CDKAL1: variants seen among roughly 807,000 people sequenced by gnomAD.
CDKAL1 encodes the protein CDKAL1 threonylcarbamoyladenosine tRNA methylthiotransferase.
Under a neutral mutation model 68.2 loss-of-function variants are expected in CDKAL1, and 32 were observed. The observed-to-expected ratio is 0.47, with a 90% CI of 0.35 to 0.63. The LOEUF (loss-of-function observed/expected upper bound fraction) is 0.63, where lower values mean the gene tolerates loss of function less well. Among genes scored for constraint, CDKAL1 ranks in the 30% least tolerant of loss-of-function variants. The pLI, the probability that CDKAL1 is intolerant of heterozygous loss-of-function variation, is 0.00. For synonymous variants in CDKAL1, 234 were observed against 244.3 expected, an observed-to-expected ratio of 0.96 and a Z score of 0.39; for missense variants, 606 against 696.7, an observed-to-expected ratio of 0.87 and a Z score of 1.47.
chr6:21,195,615 A>G (rs1173833612), intron 13 of CDKAL1, among the ~76,000 whole-genome samples: 1 of 151,884 alleles, frequency 6.6e-6, no homozygotes, highest in African/African-American at 2.4e-5. Context: ...GGCCCAAGCA[A>G]TCCTTCCACT....
intron 11 of CDKAL1, among the ~76,000 whole-genome samples, chr6:21,033,148 G>T (rs1769388016): frequency 6.6e-6 from 1 of 152,166 alleles, no homozygotes; most frequent in Admixed American, 6.5e-5. Flanking sequence ...TAATTAGGAT[G>T]AATTCAGATT....
intron 12 of CDKAL1, among the ~76,000 whole-genome samples, chr6:21,090,979 T>C (rs1451511481): frequency 6.6e-6 from 1 of 151,980 alleles, no homozygotes; most frequent in Non-Finnish European, 1.5e-5. Context: ...TAATTTTTTG[T>C]AGAGACAGGG....
chr6:20,972,376 C>T (rs1265097911), intron 10 of CDKAL1, among the ~76,000 whole-genome samples: 2 of 152,180 alleles, frequency 1.3e-5, no homozygotes, highest in African/African-American at 4.8e-5. Context: ...ACACTCTTAG[C>T]TCTTCCTTAG....
intron 12 of CDKAL1, among the ~76,000 whole-genome samples, chr6:21,083,179 A>G (rs1473724689): frequency 6.6e-6 from 1 of 152,066 alleles, no homozygotes; most frequent in African/African-American, 2.4e-5. Context: ...TTTATGTTTC[A>G]TATATACCTT....
At chr6:21,169,921 A>AC (rs57265201) in intron 13 of CDKAL1, among the ~76,000 whole-genome samples, 23,242 of 127,594 alleles carry the variant, frequency 0.18, 3,028 homozygotes, top group African/African-American at 0.34. Flanking sequence ...TACGGGAAAG[A>AC]CCCCCCCCAC....
At chr6:20,876,673 G>A (rs1043541815) in intron 9 of CDKAL1, among the ~76,000 whole-genome samples, 1 of 152,132 alleles carries the variant, frequency 6.6e-6, no homozygotes, top group African/African-American at 2.4e-5. Context: ...TGCAAATTCT[G>A]TTGCTTCTTA....
intron 13 of CDKAL1, among the ~76,000 whole-genome samples, chr6:21,170,570 G>A (rs9465979): frequency 7.9e-5 from 12 of 151,800 alleles, no homozygotes; most frequent in Non-Finnish European, 1.5e-4. Flanking sequence ...CCTCATGATC[G>A]ACCCGCCTCA....
rs542124546 is a variant in CDKAL1, at chr6:20,984,207, C to T, written c.910-16020C>T. ...CTGAAGCAGGATATTTCCCTGATCC[C>T]TTTGCAGGCAGGAACTAGAGTGCAC... On this transcript the variant is annotated intron_variant, in intron 10 of 15. Coordinates refer to ENST00000274695, the MANE Select transcript of CDKAL1 (RefSeq NM_017774.3). Among the ~76,000 whole-genome samples, 9 of 152,314 alleles carry T rather than the reference C, an allele frequency of 5.9e-5. No individual in the cohort carries two copies. The East Asian group carries it at 1.7e-3, about 29-fold the overall frequency.
chr6:20,661,734 C>G (rs1423060072), intron 5 of CDKAL1, among the ~76,000 whole-genome samples: 1 of 152,122 alleles, frequency 6.6e-6, no homozygotes, highest in Non-Finnish European at 1.5e-5. Flanking sequence ...TATCCAAAAT[C>G]TTTTTGAAGA....
At chr6:20,626,669 CT>C (rs1349183803) in intron 4 of CDKAL1, among the ~76,000 whole-genome samples, 3 of 152,150 alleles carry the variant, frequency 2.0e-5, no homozygotes, top group Non-Finnish European at 4.4e-5. Flanking sequence ...GGGTAGATAT[CT>C]GCCAACATTG....
At chr6:21,023,507 C>T (rs1462675754) in intron 11 of CDKAL1, among the ~76,000 whole-genome samples, 1 of 152,130 alleles carries the variant, frequency 6.6e-6, no homozygotes, top group East Asian at 1.9e-4. Context: ...AGCTCAAGTC[C>T]TTTAAGTACA....
intron 13 of CDKAL1, among the ~76,000 whole-genome samples, chr6:21,190,721 T>C (rs1220165185): frequency 1.3e-5 from 2 of 152,222 alleles, no homozygotes; most frequent in East Asian, 3.8e-4. Flanking sequence ...AAAATAATTG[T>C]CAGCAGCTCT....
intron 8 of CDKAL1, among the ~76,000 whole-genome samples, chr6:20,836,716 A>C (rs2150475945): frequency 6.6e-6 from 1 of 152,266 alleles, no homozygotes; most frequent in South Asian, 2.1e-4. Context: ...TCTTGTATTT[A>C]ATGGGGGTAG....
chr6:20,609,064 G>A (rs1007983579), intron 4 of CDKAL1, among the ~76,000 whole-genome samples: 2 of 152,140 alleles, frequency 1.3e-5, no homozygotes, highest in South Asian at 2.1e-4. Context: ...TCTGTGTTAC[G>A]AATGCTTTGG....
At chr6:20,988,070 T>G (rs141644885) in intron 10 of CDKAL1, among the ~76,000 whole-genome samples, 3 of 151,762 alleles carry the variant, frequency 2.0e-5, no homozygotes, top group African/African-American at 7.3e-5. Flanking sequence ...CAAGTGTGAG[T>G]CACTGCATCC....
chr6:20,561,887 G>T (rs1764281091), intron 4 of CDKAL1, among the ~76,000 whole-genome samples: 1 of 152,088 alleles, frequency 6.6e-6, no homozygotes, highest in Admixed American at 6.6e-5. Flanking sequence ...ATTCTATTTG[G>T]GTGGCTGTCA....
At chr6:20,812,196 G>T (rs1776849614) in intron 8 of CDKAL1, among the ~76,000 whole-genome samples, 1 of 152,128 alleles carries the variant, frequency 6.6e-6, no homozygotes, top group Non-Finnish European at 1.5e-5. Context: ...TTTTATTTAA[G>T]ATATTAAAAA....
At chr6:21,094,310 T>TA (rs1773210053) in intron 12 of CDKAL1, among the ~76,000 whole-genome samples, 1 of 151,756 alleles carries the variant, frequency 6.6e-6, no homozygotes, top group Non-Finnish European at 1.5e-5. Context: ...AAGAATAAAC[T>TA]AAAAAGAGTT....
At chr6:20,957,439 T>C (rs1272303446) in intron 10 of CDKAL1, among the ~76,000 whole-genome samples, 1 of 152,222 alleles carries the variant, frequency 6.6e-6, no homozygotes, top group East Asian at 1.9e-4. Flanking sequence ...ACAAAAGATC[T>C]GAAATATAAC....
Sources: gnomAD v4.1 joint callset for allele counts (sites outside exome capture counted in the v4.1 genomes callset) on GRCh38, gnomAD v4.1.1 for gene constraint, MANE v1.5 for transcripts, NCBI Gene and HGNC (gene_info 2026-07-23, HGNC 2026-07-21) for gene names.